The following RNF115 variants were observed in gnomAD, a reference collection of about 807,000 sequenced individuals.
RNF115 encodes the protein E3 ubiquitin-protein ligase RNF115.
A neutral mutation model predicts 39.2 loss-of-function variants in RNF115; 31 were observed. The ratio of observed to expected loss-of-function variants is 0.79; its 90% CI spans 0.59 to 1.07. The LOEUF (loss-of-function observed/expected upper bound fraction) is 1.07, where lower values mean the gene tolerates loss of function less well. RNF115 is among the 50% of genes least tolerant of loss of function. The probability of loss-of-function intolerance (pLI) is 0.00; values close to 1 mark genes in which losing one functional copy is unlikely to be tolerated. For missense variants in RNF115, 384 were observed against 381.7 expected, an observed-to-expected ratio of 1.01 and a Z score of -0.05; for synonymous variants, 124 against 131.0, an observed-to-expected ratio of 0.95 and a Z score of 0.37.
chr1:145,788,551 C>T (rs888114667), intron 2 of RNF115, among the ~76,000 whole-genome samples: 4 of 152,142 alleles, frequency 2.6e-5, no homozygotes, highest in African/African-American at 9.7e-5. Context: ...AGAGTGGTCA[C>T]TAAAAACCAA....
At chr1:145,805,917 T>C (rs191384343) in intron 1 of RNF115, among the ~76,000 whole-genome samples, 2 of 152,190 alleles carry the variant, frequency 1.3e-5, no homozygotes, top group Non-Finnish European at 2.9e-5. Context: ...AAATCAGCTA[T>C]AAAAAGGGCT....
intron 4 of RNF115, among the ~76,000 whole-genome samples, chr1:145,761,699 G>T (rs1658513230): frequency 6.6e-6 from 1 of 152,266 alleles, no homozygotes; most frequent in Non-Finnish European, 1.5e-5. Context: ...GAAGGAAAAT[G>T]TGGGGTGGGA....
At chr1:145,760,867 T>G (rs1658475742) in intron 4 of RNF115, among the ~76,000 whole-genome samples, 1 of 152,230 alleles carries the variant, frequency 6.6e-6, no homozygotes. Flanking sequence ...TGGGAAAATT[T>G]GGAACTTCCT....
chr1:145,752,363 C>T (rs1658117711), intron 5 of RNF115, among the ~76,000 whole-genome samples: 1 of 151,916 alleles, frequency 6.6e-6, no homozygotes, highest in Non-Finnish European at 1.5e-5. Flanking sequence ...AATCAGATAC[C>T]AAGCCTGGCA....
intron 4 of RNF115, among the ~76,000 whole-genome samples, chr1:145,770,699 A>G (rs1647598637): frequency 6.6e-6 from 1 of 152,228 alleles, no homozygotes; most frequent in Non-Finnish European, 1.5e-5. Context: ...GAAAACAGCA[A>G]TAGCACCTAT....
intron 5 of RNF115, among the ~76,000 whole-genome samples, chr1:145,752,585 C>CTTGTTTT (rs1658131084): frequency 1.2e-5 from 1 of 83,784 alleles, no homozygotes; most frequent in Admixed American, 1.6e-4. Context: ...CTATGCAGCT[C>CTTGTTTT]TTTTTTTTTT....
At chr1:145,747,515 C>T (rs587608522) in intron 8 of RNF115, among the ~76,000 whole-genome samples, 4 of 152,172 alleles carry the variant, frequency 2.6e-5, no homozygotes, top group South Asian at 2.1e-4. Flanking sequence ...TGGTGGTGCA[C>T]GCCTGTAATC....
chr1:145,778,823 G>A (rs587731233), intron 3 of RNF115, among the ~76,000 whole-genome samples: 1 of 152,334 alleles, frequency 6.6e-6, no homozygotes, highest in East Asian at 1.9e-4. Context: ...AATCTCTAGT[G>A]ATTTCGCATT....
At chr1:145,767,606 G>C (rs1180103385) in intron 4 of RNF115, among the ~76,000 whole-genome samples, 4 of 152,216 alleles carry the variant, frequency 2.6e-5, no homozygotes, top group Non-Finnish European at 4.4e-5. Context: ...CGGCACTTTG[G>C]GGGGCCAAGG....
intron 4 of RNF115, among the ~76,000 whole-genome samples, chr1:145,763,290 C>T (rs1658603156): frequency 6.6e-6 from 1 of 152,094 alleles, no homozygotes; most frequent in Non-Finnish European, 1.5e-5. Context: ...CCCTACACAG[C>T]GAATCAGAAA....
chr1:145,774,179 C>T (rs1647774038), intron 3 of RNF115, among the ~76,000 whole-genome samples: 1 of 152,116 alleles, frequency 6.6e-6, no homozygotes, highest in Non-Finnish European at 1.5e-5. Flanking sequence ...ACCATTTTCG[C>T]TGACATCACC....
intron 1 of RNF115, among the ~76,000 whole-genome samples, chr1:145,812,556 A>G (rs1649777793): frequency 6.6e-6 from 1 of 151,718 alleles, no homozygotes; most frequent in African/African-American, 2.4e-5. Flanking sequence ...GTTACTCGGG[A>G]GGCTGAGGCA....
At position 145,739,193 on chromosome 1, in the gene RNF115, C is replaced by T. The variant is rs1044353027; in HGVS notation, c.*7673G>A. ...CTTTTCTCCTAAATCCACAAACTCTCTTCTTTCTCTTTGGACAGATGACCT... is the reference window on the plus strand; with the variant it reads ...CTTTTCTCCTAAATCCACAAACTCTTTTCTTTCTCTTTGGACAGATGACCT... On this transcript the variant is annotated 3_prime_UTR_variant, in exon 9 of 9. Coordinates refer to ENST00000582693, the MANE Select transcript of RNF115 (RefSeq NM_014455.4). 6.6e-6 allele frequency: 1 copy of T among 152,232 alleles called. No individual in the cohort carries two copies. Among genetic ancestry groups the T allele is most frequent in the Admixed American group, 6.5e-5 (1 of 15,274 alleles). The allele number at this position is 152,232 out of a possible 1,614,324, so 9.4% of individuals were successfully genotyped here.
intron 1 of RNF115, among the ~76,000 whole-genome samples, chr1:145,797,625 G>C (rs587738248): frequency 2.0e-5 from 3 of 152,228 alleles, no homozygotes; most frequent in South Asian, 4.2e-4. Context: ...ATATCTCTCT[G>C]AGGTCCTGCA....
At chr1:145,791,736 CTTTT>C (rs1297502303) in intron 1 of RNF115, among the ~76,000 whole-genome samples, 1 of 152,058 alleles carries the variant, frequency 6.6e-6, no homozygotes, top group Non-Finnish European at 1.5e-5. Flanking sequence ...ATACATCTTT[CTTTT>C]AAGTAATATC....
chr1:145,808,924 GC>G (rs1553722032), intron 1 of RNF115, among the ~76,000 whole-genome samples: 1 of 152,134 alleles, frequency 6.6e-6, no homozygotes, highest in East Asian at 1.9e-4. Flanking sequence ...TCTAGAAGAA[GC>G]TTTCATTCAA....
At chr1:145,807,314 T>C (rs985615599) in intron 1 of RNF115, among the ~76,000 whole-genome samples, 1 of 152,184 alleles carries the variant, frequency 6.6e-6, no homozygotes, top group Non-Finnish European at 1.5e-5. Context: ...GAGATAGACC[T>C]ATATTATACT....
intron 1 of RNF115, among the ~76,000 whole-genome samples, chr1:145,812,741 A>G (rs1435016281): frequency 6.6e-6 from 1 of 151,896 alleles, no homozygotes; most frequent in African/African-American, 2.4e-5. Flanking sequence ...ATACAAGAAA[A>G]GTATGCCTGG....
chr1:145,796,417 T>G (rs2101583537), intron 1 of RNF115, among the ~76,000 whole-genome samples: 1 of 124,684 alleles, frequency 8.0e-6, no homozygotes, highest in African/African-American at 3.1e-5. Context: ...CATAAAAATT[T>G]CCCATCTTAA....
Sources: allele counts gnomAD v4.1 joint callset (sites outside exome capture counted in the v4.1 genomes callset), GRCh38; gene constraint gnomAD v4.1.1; transcripts MANE v1.5; gene names NCBI Gene and HGNC (gene_info 2026-07-23, HGNC 2026-07-21).